The following ARRDC5 variants were observed in gnomAD, a reference collection of about 807,000 sequenced individuals.
ARRDC5 encodes the protein arrestin domain containing 5, also known as arrestin domain-containing protein 5.
A neutral mutation model predicts 13.3 loss-of-function variants in ARRDC5; 12 were observed. The ratio of observed to expected loss-of-function variants is 0.90; its 90% CI spans 0.58 to 1.46. The LOEUF is 1.46. Ranked by LOEUF, ARRDC5 falls within the 40% of genes most tolerant of loss-of-function variation. The pLI, the probability that ARRDC5 is intolerant of heterozygous loss-of-function variation, is 0.00. For synonymous variants in ARRDC5, 181 were observed against 173.4 expected, an observed-to-expected ratio of 1.04 and a Z score of -0.34; for missense variants, 406 against 418.7, an observed-to-expected ratio of 0.97 and a Z score of 0.26.
the ARRDC5 span, among the ~76,000 whole-genome samples, chr19:4,913,252 C>CTTTT: frequency 4.3e-3 from 479 of 111,156 alleles, 29 homozygotes; most frequent in South Asian, 0.037. Context: ...GTACATTGTG[C>CTTTT]TTTTTTTTTT....
upstream of ARRDC5, among the ~76,000 whole-genome samples, chr19:4,905,736 T>G (rs1401872190): frequency 6.6e-6 from 1 of 152,128 alleles, no homozygotes; most frequent in Admixed American, 6.6e-5. Flanking sequence ...CAGGCTAGTC[T>G]TGATCTCCTG....
intron 1 of ARRDC5, 131 bp from the exon 2 acceptor site, chr19:4,897,007 A>G: frequency 1.6e-6 from 1 of 639,784 alleles, no homozygotes; most frequent in Non-Finnish European, 2.6e-6. Flanking sequence ...CCCAGTCTGG[A>G]GTATAGTGGT....
chr19:4,897,200 G>A lies in ARRDC5; in HGVS notation c.254-324C>T, dbSNP rs144877066. Among the ~76,000 whole-genome samples the A allele has an allele frequency of 5.6e-3, 846 of 152,220 alleles. 2 individuals are homozygous for A. Among genetic ancestry groups the A allele is most frequent in the Non-Finnish European group, 8.8e-3 (596 of 68,010 alleles). On this transcript the variant is annotated intron_variant, in intron 1 of 2. Coordinates refer to ENST00000650722, the MANE Select transcript of ARRDC5 (RefSeq NM_001080523.3). ...TTGAACTCCTGGCCTCCGGCGATCCGCCCGTCTTGCCCTCCCAAAGTGCTG... is the reference window on the plus strand; with the variant it reads ...TTGAACTCCTGGCCTCCGGCGATCCACCCGTCTTGCCCTCCCAAAGTGCTG...
intron 2 of ARRDC5, among the ~76,000 whole-genome samples, chr19:4,892,089 T>C (rs993136665): frequency 8.6e-5 from 13 of 151,946 alleles, no homozygotes; most frequent in African/African-American, 3.1e-4. Context: ...TTGTTTTTTG[T>C]TTTTTGTATT....
chr19:4,909,658 G>A, the ARRDC5 span: 12 of 540,898 alleles, frequency 2.2e-5, no homozygotes, highest in African/African-American at 1.8e-4. Flanking sequence ...CCGGAGAGGT[G>A]AGCGGGCGGG....
At chr19:4,910,973 C>T in the ARRDC5 span, 8 of 1,613,160 alleles carry the variant, frequency 5.0e-6, no homozygotes, top group Non-Finnish European at 6.8e-6. Context: ...GGAGCTGAGG[C>T]GGAAGATCCA....
the ARRDC5 span, among the ~76,000 whole-genome samples, chr19:4,908,763 T>C: frequency 6.6e-6 from 1 of 152,096 alleles, no homozygotes; most frequent in South Asian, 2.1e-4. Flanking sequence ...CTCCCCCAGA[T>C]AGGAATTTTC....
chr19:4,907,291 A>T (rs1404460487), upstream of ARRDC5, among the ~76,000 whole-genome samples: 2 of 151,464 alleles, frequency 1.3e-5, no homozygotes, highest in Non-Finnish European at 2.9e-5. Flanking sequence ...TTTTTTTGAG[A>T]CACAGTCTCG....
chr19:4,905,043 C>T (rs2032036150), upstream of ARRDC5, among the ~76,000 whole-genome samples: 1 of 151,984 alleles, frequency 6.6e-6, no homozygotes, highest in Admixed American at 6.6e-5. Flanking sequence ...GCTCATCCAA[C>T]CCCTGACCCA....
At position 4,896,748 on chromosome 19, in the gene ARRDC5, C is replaced by T. The variant is rs2031750139; in HGVS notation, c.382G>A (p.Glu128Lys). The change falls in exon 2 of 3, where the codon GAA becomes AAA. Residue 128 changes from glutamate (E) to lysine (K), a missense_variant. Coordinates refer to ENST00000650722, the MANE Select transcript of ARRDC5 (RefSeq NM_001080523.3). ...ATCCTCTTCTTGGCTAAAATGTGTT[C>T]CCTGCCCATGCAGGAAGCTTGTACG... ...YFVQASCMGR[E>K]HILAKKRMYL... 3 of 1,613,594 alleles carry T rather than the reference C, an allele frequency of 1.9e-6. No individual in the cohort carries two copies. In the African/African-American group the frequency reaches 4.0e-5, roughly 22 times the overall value.
chr19:4,899,630 C>CT (rs1236799002), intron 1 of ARRDC5, among the ~76,000 whole-genome samples: 1 of 147,248 alleles, frequency 6.8e-6, no homozygotes, highest in Non-Finnish European at 1.5e-5. Context: ...AAGACTGTCT[C>CT]TTAAAAAAAG....
At chr19:4,898,310 A>G (rs2031800359) in intron 1 of ARRDC5, among the ~76,000 whole-genome samples, 1 of 151,984 alleles carries the variant, frequency 6.6e-6, no homozygotes, top group Non-Finnish European at 1.5e-5. Context: ...AGCATTTTCT[A>G]TCTTCTCTGG....
chr19:4,898,665 C>CTTTTTT (rs71170878), intron 1 of ARRDC5, among the ~76,000 whole-genome samples: 2 of 130,582 alleles, frequency 1.5e-5, no homozygotes, highest in Non-Finnish European at 3.3e-5. Flanking sequence ...CGGGCTTGGC[C>CTTTTTT]TTTTTTTTTT....
At position 4,891,271 on chromosome 19, in the gene ARRDC5, G is replaced by A. The variant is rs146420193; in HGVS notation, c.762C>T (p.Val254=). Residue 254 remains valine, a synonymous_variant, in exon 3 of 3, where the codon GTC becomes GTT. Coordinates refer to ENST00000650722, the MANE Select transcript of ARRDC5 (RefSeq NM_001080523.3). Reference sequence around the variant, plus strand: ...GCAGCAACGGCAGGTTGAAGGTGCTGACAACCTTGGTGGTGTTGAAGCGGG... The same window carrying A: ...GCAGCAACGGCAGGTTGAAGGTGCTAACAACCTTGGTGGTGTTGAAGCGGG... ...PVTRFNTTKV[V]STFNLPLLLS... 708 of 1,613,950 alleles carry A rather than the reference G, an allele frequency of 4.4e-4. No homozygotes were observed. The highest frequency in any genetic ancestry group is 5.1e-4 in the Non-Finnish European group (605 of 1,179,878).
the ARRDC5 span, chr19:4,910,109 G>T: frequency 6.6e-6 from 1 of 152,546 alleles, no homozygotes; most frequent in Non-Finnish European, 1.5e-5. Context: ...TGACGAGCGG[G>T]GGCCCCCTCT....
rs2031501758 is a variant in ARRDC5 at position 4,891,382 on chromosome 19, C to T, written c.651G>A (p.Gln217=). 6.2e-7 allele frequency: 1 copy of T among 1,613,628 alleles called. No individual in the cohort carries two copies. Among genetic ancestry groups the T allele is most frequent in the Non-Finnish European group, 8.5e-7 (1 of 1,179,902 alleles). The part of the protein sequence containing the change: ...TVVFALYAHI[Q]YEGFTPSAER... ...CTGCACTGGGCGTGAAGCCCTCGTACTGTATGTGGGCATACAGGGCGAATA... is the reference window on the plus strand; with the variant it reads ...CTGCACTGGGCGTGAAGCCCTCGTATTGTATGTGGGCATACAGGGCGAATA... Residue 217 remains glutamine, a synonymous_variant, in exon 3 of 3, where the codon CAG becomes CAA. Coordinates refer to ENST00000650722, the MANE Select transcript of ARRDC5 (RefSeq NM_001080523.3).
intron 1 of ARRDC5, among the ~76,000 whole-genome samples, chr19:4,901,891 ATCTT>A (rs1172161701): frequency 6.6e-6 from 1 of 151,620 alleles, no homozygotes; most frequent in Non-Finnish European, 1.5e-5. Flanking sequence ...TACCTCCACT[ATCTT>A]TCTTTTTTTG....
chr19:4,904,986 T>G (rs1006997585), upstream of ARRDC5, among the ~76,000 whole-genome samples: 3 of 152,152 alleles, frequency 2.0e-5, no homozygotes, highest in African/African-American at 7.2e-5. Flanking sequence ...TGCATTATTT[T>G]ATGTGATAGC....
At position 4,896,555 on chromosome 19, in the gene ARRDC5, G is replaced by A. The variant is rs1268675389; in HGVS notation, c.459+116C>T. 3 of 753,362 alleles carry A rather than the reference G, an allele frequency of 4.0e-6. No individual in the cohort carries two copies. In the East Asian group the frequency reaches 8.1e-5, roughly 20 times the overall value. The allele number at this position is 753,362 out of a possible 1,614,324, so 46.7% of individuals were successfully genotyped here. ...GTGAAATCTCGGGGCCTGGGAAGCT[G>A]CCAACACCCTTCCCTTCTCCCCATG... On this transcript the variant is annotated intron_variant, in intron 2 of 2. Transcript: ENST00000650722.
Sources: allele counts gnomAD v4.1 joint callset (sites outside exome capture counted in the v4.1 genomes callset), GRCh38; gene constraint gnomAD v4.1.1; transcripts MANE v1.5; gene names NCBI Gene and HGNC (gene_info 2026-07-23, HGNC 2026-07-21).